Variants in FBXW8 observed in about 807,000 individuals in gnomAD.
FBXW8 encodes F-box/WD repeat-containing protein 8.
A neutral mutation model predicts 65.3 loss-of-function variants in FBXW8; 57 were observed. The observed-to-expected ratio is 0.87, with a 90% CI of 0.71 to 1.09. The LOEUF is 1.09. FBXW8 is among the 50% of genes least tolerant of loss of function. The pLI is 0.00. For missense variants in FBXW8, 777 were observed against 814.8 expected (o/e 0.95, Z 0.57); for synonymous variants, 308 against 330.2 (o/e 0.93, Z 0.73).
intron 2 of FBXW8, among the ~76,000 whole-genome samples, chr12:116,933,038 A>C (rs925385947): frequency 3.9e-5 from 6 of 152,124 alleles, no homozygotes; most frequent in Non-Finnish European, 5.9e-5. Context: ...AATGTGCTGA[A>C]GTGTAAACTG....
intron 4 of FBXW8, among the ~76,000 whole-genome samples, chr12:116,963,327 C>T (rs1255599706): frequency 6.6e-6 from 1 of 152,144 alleles, no homozygotes; most frequent in East Asian, 1.9e-4. Flanking sequence ...CCACCTGAGG[C>T]CAGCTGTGGT....
intron 8 of FBXW8, among the ~76,000 whole-genome samples, chr12:117,012,996 T>C (rs1953863469): frequency 6.6e-6 from 1 of 152,080 alleles, no homozygotes; most frequent in Non-Finnish European, 1.5e-5. Context: ...TGAAAAAGGA[T>C]CTATCCTATC....
chr12:117,020,984 G>A (rs563209929), intron 8 of FBXW8, among the ~76,000 whole-genome samples: 246 of 152,288 alleles, frequency 1.6e-3, no homozygotes, highest in Non-Finnish European at 2.5e-3. Context: ...CTACCTCCTC[G>A]AAGTGGAATT....
intron 7 of FBXW8, among the ~76,000 whole-genome samples, chr12:117,000,043 G>C (rs938404508): frequency 6.7e-6 from 1 of 148,432 alleles, no homozygotes; most frequent in African/African-American, 2.5e-5. Context: ...GCGCAGTGGC[G>C]CGATCTCTGC....
At chr12:116,945,789 C>T (rs539874525) in intron 3 of FBXW8, among the ~76,000 whole-genome samples, 41 of 152,348 alleles carry the variant, frequency 2.7e-4, no homozygotes, top group African/African-American at 9.1e-4. Context: ...GCCACTTCCT[C>T]TCGGATTGTT....
intron 1 of FBXW8, among the ~76,000 whole-genome samples, chr12:116,919,854 A>C (rs1880743680): frequency 6.6e-6 from 1 of 152,248 alleles, no homozygotes; most frequent in Admixed American, 6.5e-5. Context: ...TTTATCACTC[A>C]CCATGTCAAT....
intron 9 of FBXW8, among the ~76,000 whole-genome samples, chr12:117,026,153 C>T (rs1447404621): frequency 6.6e-6 from 1 of 152,244 alleles, no homozygotes; most frequent in African/African-American, 2.4e-5. Context: ...CTCTTCAGCC[C>T]AGGTCCTCGC....
chr12:116,957,778 G>A (rs1479949268), intron 4 of FBXW8, among the ~76,000 whole-genome samples: 6 of 152,154 alleles, frequency 3.9e-5, no homozygotes, highest in South Asian at 4.1e-4. Context: ...ATCATTACCC[G>A]TTAGGGACCT....
chr12:117,027,949 C>T, intron 10 of FBXW8, 79 bp from the exon 11 acceptor site: 1 of 1,590,282 alleles, frequency 6.3e-7, no homozygotes, highest in African/African-American at 1.3e-5. Context: ...AGGCGAACGC[C>T]TCCTGCACAG....
At chr12:116,920,404 A>G (rs935519146) in intron 1 of FBXW8, among the ~76,000 whole-genome samples, 4 of 152,256 alleles carry the variant, frequency 2.6e-5, no homozygotes, top group Non-Finnish European at 5.9e-5. Flanking sequence ...AGAATATAGC[A>G]TTGAACAAGG....
chr12:116,946,971 T>C (rs1415539762), intron 3 of FBXW8, among the ~76,000 whole-genome samples: 1 of 151,944 alleles, frequency 6.6e-6, no homozygotes, highest in African/African-American at 2.4e-5. Context: ...GTTGGAGATA[T>C]TTGGCATCCC....
intron 9 of FBXW8, among the ~76,000 whole-genome samples, chr12:117,027,102 G>A (rs1489491551): frequency 6.6e-6 from 1 of 152,238 alleles, no homozygotes; most frequent in Non-Finnish European, 1.5e-5. Context: ...TTCGTCTGCA[G>A]TAGGGTGTGC....
At chr12:116,955,806 A>G (rs899014455) in intron 4 of FBXW8, among the ~76,000 whole-genome samples, 1 of 152,144 alleles carries the variant, frequency 6.6e-6, no homozygotes, top group Non-Finnish European at 1.5e-5. Flanking sequence ...CATGAGTTCA[A>G]AAAAGACAGT....
At chr12:116,945,339 A>G in intron 2 of FBXW8, 25 bp from the exon 3 acceptor site, 1 of 1,592,958 alleles carries the variant, frequency 6.3e-7, no homozygotes, top group Non-Finnish European at 8.6e-7. Flanking sequence ...AGAATTTGAC[A>G]TTTGTGTCAC....
intron 8 of FBXW8, among the ~76,000 whole-genome samples, chr12:117,023,724 G>A (rs953387575): frequency 3.3e-5 from 5 of 152,154 alleles, no homozygotes; most frequent in Non-Finnish European, 7.3e-5. Flanking sequence ...TTTCCTAACC[G>A]GGTCCTCACC....
chr12:116,952,540 C>T (rs1455103873), intron 4 of FBXW8, among the ~76,000 whole-genome samples: 2 of 152,180 alleles, frequency 1.3e-5, no homozygotes, highest in African/African-American at 4.8e-5. Flanking sequence ...GCACTGTAGC[C>T]TAGCGTCCAT....
chr12:117,004,869 C>G (rs1444160111), intron 7 of FBXW8, among the ~76,000 whole-genome samples: 5 of 152,190 alleles, frequency 3.3e-5, no homozygotes, highest in Admixed American at 6.5e-5. Context: ...TCTTAACTTC[C>G]TGGGTTTCGT....
At position 117,028,086 on chromosome 12, in the gene FBXW8, CCT is replaced by C; in HGVS notation, c.1715_1716del (p.Leu572ProfsTer8). On this transcript the variant is annotated frameshift_variant, in exon 11 of 11. Transcript: ENST00000652555. LOFTEE classifies it low-confidence loss of function (END_TRUNC). This position sits in a 1 kb window ranked among gnomAD's most constrained non-coding sequence, Gnocchi z 4.1. ...GGTGGACCAGCTGGCCTTCCAGAGCCCTCTCCCTGTCTGCCGTTCATCCTGTG... is the reference window on the plus strand; with the variant it reads ...GGTGGACCAGCTGGCCTTCCAGAGCCCTCCCTGTCTGCCGTTCATCCTGTG... ...FAVDQLAFQS[P>X]LPVCRSSCDA... The C allele has an allele frequency of 1.2e-6, 2 of 1,614,128 alleles. No individual in the cohort carries two copies. Among genetic ancestry groups the C allele is most frequent in the Middle Eastern group, 1.6e-4 (1 of 6,062 alleles).
chr12:117,003,484 A>ATTG (rs10682820), intron 7 of FBXW8, among the ~76,000 whole-genome samples: 48,380 of 151,964 alleles, frequency 0.32, 12,259 homozygotes, highest in African/African-American at 0.71. Flanking sequence ...CCAAATCAAC[A>ATTG]TTGTTTTTGC....
Sources: allele counts gnomAD v4.1 joint callset (sites outside exome capture counted in the v4.1 genomes callset), GRCh38; gene constraint gnomAD v4.1.1; non-coding constraint Gnocchi (gnomAD v3.1); transcripts MANE v1.5; gene names NCBI Gene and HGNC (gene_info 2026-07-23, HGNC 2026-07-21).